The following HIVEP2 variants were observed in gnomAD, a reference collection of about 807,000 sequenced individuals.
HIVEP2 encodes the protein HIVEP zinc finger 2, also known as transcription factor HIVEP2.
In HIVEP2, 14 loss-of-function variants were observed where a neutral mutation model predicts 180.7. That is an observed-to-expected ratio of 0.08 (90% CI 0.05 to 0.12). The LOEUF (loss-of-function observed/expected upper bound fraction) is 0.12. HIVEP2 is among the 10% of genes least tolerant of loss of function. The pLI is 1.00. For missense variants in HIVEP2, 2,579 were observed against 3,008.5 expected (o/e 0.86, Z 3.34); for synonymous variants, 1,184 against 1,136.4 (o/e 1.04, Z -0.84).
chr6:142,927,900 A>G (rs1777855088), intron 1 of HIVEP2, among the ~76,000 whole-genome samples: 1 of 152,258 alleles, frequency 6.6e-6, no homozygotes, highest in Non-Finnish European at 1.5e-5. Context: ...TAAAAAATTG[A>G]AATAGTTTAA....
chr6:142,937,282 A>C (rs1010443065), intron 1 of HIVEP2, among the ~76,000 whole-genome samples: 1 of 152,238 alleles, frequency 6.6e-6, no homozygotes, highest in Non-Finnish European at 1.5e-5. Context: ...GGACCATTTG[A>C]AAATATTTAA....
chr6:142,754,997 AC>A (rs1306191632), intron 9 of HIVEP2, among the ~76,000 whole-genome samples: 8 of 152,220 alleles, frequency 5.3e-5, no homozygotes, highest in Non-Finnish European at 1.2e-4. Context: ...TTTTTTGAGA[AC>A]CAAAGATAGA....
chr6:142,844,138 A>T (rs1466842841), intron 1 of HIVEP2, among the ~76,000 whole-genome samples: 1 of 152,192 alleles, frequency 6.6e-6, no homozygotes, highest in Non-Finnish European at 1.5e-5. Flanking sequence ...AAACAGAATG[A>T]AATTATTAAT....
At chr6:142,775,376 T>G (rs1775672648) in intron 4 of HIVEP2, among the ~76,000 whole-genome samples, 1 of 152,168 alleles carries the variant, frequency 6.6e-6, no homozygotes, top group Non-Finnish European at 1.5e-5. Context: ...TTTTTAACTT[T>G]AGAAAACCAT....
intron 1 of HIVEP2, among the ~76,000 whole-genome samples, chr6:142,932,894 G>A (rs1777973567): frequency 6.6e-6 from 1 of 152,186 alleles, no homozygotes; most frequent in Non-Finnish European, 1.5e-5. Flanking sequence ...ACATTGCAGA[G>A]TGTCCTGTCA....
chr6:142,773,200 C>T lies in HIVEP2; in HGVS notation c.1539G>A (p.Arg513=). The stretch of plus-strand genomic sequence containing the variant: ...TTGCTGGATAAAGTTTTCCTTCGTT[C>T]CTGATAGATGATGGAATAATCTGGG... The part of the protein sequence containing the change: ...RQPQIIPSSI[R]NEGKLYPANF... Residue 513 remains arginine (R), a synonymous_variant, in exon 5 of 10, where the codon AGG becomes AGA. Coordinates refer to ENST00000367603, the MANE Select transcript of HIVEP2 (RefSeq NM_006734.4). 6.2e-7 allele frequency: 1 copy of T among 1,614,174 alleles called. No homozygotes were observed. Among genetic ancestry groups the T allele is most frequent in the Non-Finnish European group, 8.5e-7 (1 of 1,180,038 alleles).
intron 1 of HIVEP2, among the ~76,000 whole-genome samples, chr6:142,880,660 C>A (rs1562276696): frequency 6.6e-6 from 1 of 152,168 alleles, no homozygotes; most frequent in Non-Finnish European, 1.5e-5. Context: ...CTGCCCTACA[C>A]CTCTGAGATC....
At chr6:142,892,544 G>C (rs1461045546) in intron 1 of HIVEP2, among the ~76,000 whole-genome samples, 1 of 152,128 alleles carries the variant, frequency 6.6e-6, no homozygotes, top group Non-Finnish European at 1.5e-5. Flanking sequence ...CCAGACACAG[G>C]ATGCAAATTA....
rs923117936 is a variant in HIVEP2 at position 142,823,923 on chromosome 6, T to C, written c.-528+13012A>G. 3.9e-5 allele frequency among the ~76,000 whole-genome samples: 6 copies of C among 152,244 alleles called. 1 individual carries two copies. Among genetic ancestry groups the C allele is most frequent in the Admixed American group, 1.3e-4 (2 of 15,286 alleles). On this transcript the variant is annotated intron_variant, in intron 2 of 9. Transcript: ENST00000367603. ...GAATTTTAAATGTTTTATTCATTCA[T>C]TTTAATATAGATTTATTTACCTTTC...
In HIVEP2 at chr6:142,769,666, C is replaced by T. The variant is rs34296594; in HGVS notation, c.5073G>A (p.Leu1691=). The part of the protein sequence containing the change: ...NPSGLNTKTT[L]ALLRSKQKIT... ...TTTTTTGCTTGGACCTCAGAAGAGC[C>T]AGCGTGGTCTTGGTGTTCAATCCTG... Residue 1691 remains leucine, a synonymous_variant, in exon 5 of 10, where the codon CTG becomes CTA. Coordinates refer to ENST00000367603, the MANE Select transcript of HIVEP2 (RefSeq NM_006734.4). 86,859 of 1,614,054 alleles carry T rather than the reference C, an allele frequency of 0.054. 2,637 individuals carry two copies. Among genetic ancestry groups the T allele is most frequent in the Middle Eastern group, 0.11 (685 of 6,062 alleles).
In HIVEP2 at chr6:142,760,249, T is replaced by C. The variant is rs1775191097; in HGVS notation, c.6039A>G (p.Lys2013=). The C allele has an allele frequency of 1.9e-6, 3 of 1,614,074 alleles. No individual in the cohort carries two copies. Among genetic ancestry groups the C allele is most frequent in the South Asian group, 1.1e-5 (1 of 91,086 alleles). ...QSKSTDSEPD[K]DRLDIPSCMD... is the part of the protein sequence containing the mutation. The stretch of plus-strand genomic sequence containing the variant: ...TACAACTAGGTATGTCCAATCTGTC[T>C]TTGTCTGGTTCTGAGTCCGTACTTT... Residue 2013 remains lysine, a synonymous_variant, in exon 9 of 10, where the codon AAA becomes AAG. Transcript: ENST00000367603.
chr6:142,885,245 C>G (rs1049042932), intron 1 of HIVEP2, among the ~76,000 whole-genome samples: 1 of 152,144 alleles, frequency 6.6e-6, no homozygotes, highest in Non-Finnish European at 1.5e-5. Flanking sequence ...TCCCCACACA[C>G]AGCCATGGAG....
chr6:142,863,489 T>C (rs992913855), intron 1 of HIVEP2, among the ~76,000 whole-genome samples: 5 of 152,188 alleles, frequency 3.3e-5, no homozygotes, highest in Non-Finnish European at 5.9e-5. Flanking sequence ...AAGATATTGC[T>C]TTCTGAAGAA....
chr6:142,877,463 C>T (rs1776472365), intron 1 of HIVEP2, among the ~76,000 whole-genome samples: 2 of 152,082 alleles, frequency 1.3e-5, no homozygotes, highest in South Asian at 4.2e-4. Context: ...TATCACAGTT[C>T]AGAACTGAAA....
chr6:142,875,166 G>C (rs1374579849), intron 1 of HIVEP2, among the ~76,000 whole-genome samples: 1 of 152,164 alleles, frequency 6.6e-6, no homozygotes, highest in African/African-American at 2.4e-5. Flanking sequence ...TCCAAAGAAG[G>C]GACATTTGAG....
intron 2 of HIVEP2, among the ~76,000 whole-genome samples, chr6:142,817,435 A>G (rs1352105872): frequency 6.6e-6 from 1 of 152,036 alleles, no homozygotes; most frequent in African/African-American, 2.4e-5. Context: ...TGCCAAATCT[A>G]AGTTATTTCA....
chr6:142,877,879 G>C (rs924561835), intron 1 of HIVEP2, among the ~76,000 whole-genome samples: 1 of 152,166 alleles, frequency 6.6e-6, no homozygotes, highest in Non-Finnish European at 1.5e-5. Flanking sequence ...TAGCTTTTGT[G>C]ATTAGAAAGA....
intron 1 of HIVEP2, among the ~76,000 whole-genome samples, chr6:142,870,615 C>T (rs545300581): frequency 3.0e-4 from 46 of 152,144 alleles, no homozygotes; most frequent in Non-Finnish European, 2.9e-4. Context: ...TAACATGGAA[C>T]TCTATTTCTT....
intron 2 of HIVEP2, among the ~76,000 whole-genome samples, chr6:142,793,656 C>CT (rs1554279275): frequency 2.6e-5 from 2 of 77,328 alleles, no homozygotes; most frequent in South Asian, 5.4e-4. Flanking sequence ...TTCTTTCTTT[C>CT]TTTTTTCTTT....
Sources: allele counts gnomAD v4.1 joint callset (sites outside exome capture counted in the v4.1 genomes callset), GRCh38; gene constraint gnomAD v4.1.1; transcripts MANE v1.5; gene names NCBI Gene and HGNC (gene_info 2026-07-23, HGNC 2026-07-21).